Variants in PHLDB2 observed in about 807,000 individuals in gnomAD.
PHLDB2 encodes pleckstrin homology like domain family B member 2.
In PHLDB2, 71 loss-of-function variants were observed where a neutral mutation model predicts 123.6. The observed-to-expected ratio is 0.57, with a 90% CI of 0.47 to 0.70. The LOEUF is 0.70. Ranked by LOEUF, PHLDB2 falls within the 30% of genes least tolerant of loss-of-function variation. The pLI is 0.00. For synonymous variants in PHLDB2, 547 were observed against 541.6 expected (o/e 1.01, Z -0.14); for missense variants, 1,446 against 1,519.5 (o/e 0.95, Z 0.80).
chr3:111,848,823 A>G lies in PHLDB2; in HGVS notation c.67+2888A>G, dbSNP rs528203766. Among the ~76,000 whole-genome samples, 3 of 152,334 alleles carry G rather than the reference A, an allele frequency of 2.0e-5. No homozygotes were observed. In the South Asian group the frequency reaches 6.2e-4, roughly 32 times the overall value. ...TTTAGATACACAAATATTTACCATT[A>G]TATTACAGTTGCCTACAGTATTCAG... On this transcript the variant is annotated intron_variant, in intron 2 of 17. Transcript: ENST00000393923.
chr3:111,786,597 G>GA (rs1021289380), intron 1 of PHLDB2, among the ~76,000 whole-genome samples: 10 of 152,120 alleles, frequency 6.6e-5, no homozygotes, highest in Admixed American at 6.5e-4. Context: ...TCTGAGTTCT[G>GA]AAAAAGGCTT....
chr3:111,926,780 A>C (rs974252448), intron 5 of PHLDB2, among the ~76,000 whole-genome samples: 13 of 152,074 alleles, frequency 8.5e-5, no homozygotes, highest in Non-Finnish European at 1.6e-4. Context: ...AAATCTGAAA[A>C]GTTTCATGGG....
chr3:111,883,698 C>G (rs1223233746), intron 1 of PHLDB2, among the ~76,000 whole-genome samples: 1 of 152,134 alleles, frequency 6.6e-6, no homozygotes, highest in African/African-American at 2.4e-5. Context: ...TGCATTATGC[C>G]TTTGGGCATT....
At chr3:111,826,196 C>G (rs1046365426) in intron 1 of PHLDB2, among the ~76,000 whole-genome samples, 3 of 151,966 alleles carry the variant, frequency 2.0e-5, no homozygotes, top group African/African-American at 7.2e-5. Flanking sequence ...GTATTCTCAG[C>G]TACTAGGGAG....
chr3:111,796,108 A>G (rs1290350385), intron 1 of PHLDB2, among the ~76,000 whole-genome samples: 1 of 152,164 alleles, frequency 6.6e-6, no homozygotes, highest in Non-Finnish European at 1.5e-5. Context: ...CATGTCAGCC[A>G]GCCTGGTCTC....
At chr3:111,779,804 C>A in intron 1 of PHLDB2, 1 of 952,722 alleles carries the variant, frequency 1.0e-6, no homozygotes, top group South Asian at 4.9e-5. Context: ...GGACTCTGAC[C>A]TCCATCCTCT....
intron 1 of PHLDB2, among the ~76,000 whole-genome samples, chr3:111,805,811 T>C (rs1180224957): frequency 6.9e-6 from 1 of 144,180 alleles, no homozygotes; most frequent in Non-Finnish European, 1.5e-5. Context: ...GAAATGTTTA[T>C]ATCTTGATTG....
intron 5 of PHLDB2, among the ~76,000 whole-genome samples, chr3:111,927,962 T>A (rs1686078847): frequency 6.6e-6 from 1 of 152,264 alleles, no homozygotes; most frequent in Non-Finnish European, 1.5e-5. Flanking sequence ...TCTAGCAGAA[T>A]AAGTAGTCTT....
chr3:111,740,532 C>T (rs1285798330), intron 1 of PHLDB2, among the ~76,000 whole-genome samples: 1 of 152,146 alleles, frequency 6.6e-6, no homozygotes, highest in Non-Finnish European at 1.5e-5. Flanking sequence ...ACTGAGTATA[C>T]CCACTTCTCT....
chr3:111,913,089 A>G (rs1025694577), intron 2 of PHLDB2, among the ~76,000 whole-genome samples: 2 of 152,184 alleles, frequency 1.3e-5, no homozygotes, highest in African/African-American at 4.8e-5. Flanking sequence ...AAGGGGAGAG[A>G]GTAGAAGCCA....
At chr3:111,851,483 T>C (rs1282977) in intron 2 of PHLDB2, among the ~76,000 whole-genome samples, 25,551 of 152,134 alleles carry the variant, frequency 0.17, 2,208 homozygotes, top group Admixed American at 0.19. Flanking sequence ...CAGGAGTGGA[T>C]GGAGAGATTT....
At chr3:111,744,366 T>G (rs2059650502) in intron 1 of PHLDB2, among the ~76,000 whole-genome samples, 1 of 152,250 alleles carries the variant, frequency 6.6e-6, no homozygotes, top group Non-Finnish European at 1.5e-5. Context: ...ACAACTTCTT[T>G]TTTAAGGACA....
intron 5 of PHLDB2, among the ~76,000 whole-genome samples, chr3:111,922,049 A>G (rs1016423048): frequency 2.0e-5 from 3 of 152,218 alleles, no homozygotes; most frequent in African/African-American, 4.8e-5. Flanking sequence ...CCTTCATTGG[A>G]GGCATCAGAT....
chr3:111,826,053 G>A (rs1017283712), intron 1 of PHLDB2, among the ~76,000 whole-genome samples: 2 of 151,966 alleles, frequency 1.3e-5, no homozygotes, highest in African/African-American at 4.8e-5. Context: ...TGTAATGCCA[G>A]CACTTTGAGA....
chr3:111,800,843 G>A (rs996455120), intron 1 of PHLDB2, among the ~76,000 whole-genome samples: 2 of 152,122 alleles, frequency 1.3e-5, no homozygotes, highest in African/African-American at 2.4e-5. Flanking sequence ...ACAAAAGAAA[G>A]CTTACTAAAT....
chr3:111,893,377 T>C (rs2066617291), intron 2 of PHLDB2, among the ~76,000 whole-genome samples: 1 of 152,110 alleles, frequency 6.6e-6, no homozygotes, highest in African/African-American at 2.4e-5. Flanking sequence ...TTTAATTTAT[T>C]AAAAAAATGG....
chr3:111,927,323 T>C (rs1465155824), intron 5 of PHLDB2, among the ~76,000 whole-genome samples: 1 of 152,000 alleles, frequency 6.6e-6, no homozygotes, highest in Non-Finnish European at 1.5e-5. Flanking sequence ...GCTCAGGAGT[T>C]CAAGACCAGT....
chr3:111,866,013 C>CTTTTTTTTTTTTTTTTTTTTTTTTTTTT (rs1239058039), intron 1 of PHLDB2, among the ~76,000 whole-genome samples: 1 of 47,674 alleles, frequency 2.1e-5, no homozygotes, highest in African/African-American at 6.3e-5. Flanking sequence ...CCCACCCACT[C>CTTTTTTTTTTTTTTTTTTTTTTTTTTTT]ATTTTTTTTT....
intron 12 of PHLDB2, among the ~76,000 whole-genome samples, chr3:111,961,606 G>A (rs939018868): frequency 5.3e-5 from 8 of 152,198 alleles, no homozygotes; most frequent in Non-Finnish European, 1.2e-4. Flanking sequence ...AAAAGTGTCA[G>A]TGATGATATG....
Sources: gnomAD v4.1 joint callset for allele counts (sites outside exome capture counted in the v4.1 genomes callset) on GRCh38, gnomAD v4.1.1 for gene constraint, MANE v1.5 for transcripts, NCBI Gene and HGNC (gene_info 2026-07-23, HGNC 2026-07-21) for gene names.